Variants in ACTR3C observed in about 807,000 individuals in gnomAD.
The protein encoded by ACTR3C is actin-related protein 3C.
ACTR3C carries 18 observed loss-of-function variants against 26.3 expected under a neutral mutation model. The ratio of observed to expected loss-of-function variants is 0.68; its 90% CI spans 0.47 to 1.01. The LOEUF (loss-of-function observed/expected upper bound fraction) is 1.01. ACTR3C is among the 50% of genes least tolerant of loss of function. The pLI, the probability that ACTR3C is intolerant of heterozygous loss-of-function variation, is 0.00. For synonymous variants in ACTR3C, 55 were observed against 94.5 expected (o/e 0.58, Z 2.42); for missense variants, 184 against 250.7 (o/e 0.73, Z 1.80).
Position 150,285,554 on chromosome 7 carries a change from A to T in ACTR3C, c.472-709T>A, listed in dbSNP as rs188244922. Reference sequence around the variant, plus strand: ...CATTTGACTGTTCTATGTCCATTTCAAATCAATACTATTAAAAGTGAGCAT... The same window carrying T: ...CATTTGACTGTTCTATGTCCATTTCTAATCAATACTATTAAAAGTGAGCAT... On this transcript the variant is annotated intron_variant, in intron 5 of 7. Transcript: ENST00000683684. Among the ~76,000 whole-genome samples the T allele has an allele frequency of 5.9e-5, 9 of 152,338 alleles. 1 individual carries two copies. The East Asian group carries it at 1.7e-3, about 29-fold the overall frequency.
chr7:150,259,669 C>T (rs1345309338), intron 6 of ACTR3C, among the ~76,000 whole-genome samples: 2 of 152,140 alleles, frequency 1.3e-5, no homozygotes, highest in Middle Eastern at 3.2e-3. Context: ...CCATTTTCTC[C>T]TGTCAGAGAG....
chr7:149,922,501 A>T, the ACTR3C span, among the ~76,000 whole-genome samples: 3 of 149,812 alleles, frequency 2.0e-5, no homozygotes, highest in South Asian at 6.4e-4. Context: ...GCTCTGCTGT[A>T]ACGACTGTGA....
chr7:150,034,994 C>G, the ACTR3C span, among the ~76,000 whole-genome samples: 14 of 140,402 alleles, frequency 1.0e-4, no homozygotes, highest in Admixed American at 2.2e-4. Context: ...CCTCCCCCTC[C>G]TGTGATGGGG....
the ACTR3C span, among the ~76,000 whole-genome samples, chr7:149,893,662 C>T: frequency 1.3e-5 from 2 of 152,124 alleles, no homozygotes; most frequent in Admixed American, 6.6e-5. Flanking sequence ...CATTTTACTC[C>T]ACTAAAATAT....
the ACTR3C span, among the ~76,000 whole-genome samples, chr7:149,937,875 G>A: frequency 6.6e-6 from 1 of 152,150 alleles, no homozygotes; most frequent in African/African-American, 2.4e-5. Flanking sequence ...AGTAACACAC[G>A]AGATGGGAGG....
chr7:150,047,998 C>A, the ACTR3C span: 1 of 1,198,062 alleles, frequency 8.3e-7, no homozygotes, highest in Non-Finnish European at 1.0e-6. Flanking sequence ...GCGCCGGCGA[C>A]CGCTCCTCCC....
At chr7:150,196,619 T>C in the ACTR3C span, among the ~76,000 whole-genome samples, 1 of 152,310 alleles carries the variant, frequency 6.6e-6, no homozygotes, top group Middle Eastern at 3.4e-3. Context: ...TCATCCTTAT[T>C]TGTTGATAGC....
the ACTR3C span, among the ~76,000 whole-genome samples, chr7:150,105,661 C>A: frequency 6.6e-6 from 1 of 152,030 alleles, no homozygotes; most frequent in East Asian, 1.9e-4. Context: ...CAATTATTTA[C>A]TTATAAATGT....
At position 150,274,750 on chromosome 7, in the gene ACTR3C, G is replaced by A. The variant is rs898865544; in HGVS notation, c.564+10003C>T. ...CCCTGACGCCTATACTCTTAACCAC[G>A]ACAAACTAAAAATAATACTGCTCAA... On this transcript the variant is annotated intron_variant, in intron 6 of 7. Coordinates refer to ENST00000683684, the MANE Select transcript of ACTR3C (RefSeq NM_001164458.2). This position sits in a 1 kb window ranked among gnomAD's most constrained non-coding sequence, Gnocchi z 4.1. Among the ~76,000 whole-genome samples the A allele has an allele frequency of 2.0e-5, 3 of 152,092 alleles. No homozygotes were observed. Among genetic ancestry groups the A allele is most frequent in the East Asian group, 1.9e-4 (1 of 5,182 alleles).
At chr7:150,225,350 A>T in the ACTR3C span, among the ~76,000 whole-genome samples, 16 of 152,324 alleles carry the variant, frequency 1.1e-4, no homozygotes, top group Middle Eastern at 3.4e-3. Flanking sequence ...TATTCAGCCA[A>T]ATATTAATTC....
At chr7:150,160,764 G>A in the ACTR3C span, among the ~76,000 whole-genome samples, 2 of 152,008 alleles carry the variant, frequency 1.3e-5, no homozygotes, top group South Asian at 2.1e-4. Context: ...TCCTTCACCT[G>A]TGTTCCTGGT....
chr7:150,308,444 A>C (rs1795991486), intron 1 of ACTR3C, among the ~76,000 whole-genome samples: 1 of 152,070 alleles, frequency 6.6e-6, no homozygotes, highest in African/African-American at 2.4e-5. Flanking sequence ...GACCTAGATA[A>C]ATTTTGTCGA....
chr7:150,233,070 T>C, the ACTR3C span, among the ~76,000 whole-genome samples: 1 of 152,184 alleles, frequency 6.6e-6, no homozygotes, highest in Non-Finnish European at 1.5e-5. Context: ...CTTCCTTTGT[T>C]ACGCAGATTT....
chr7:149,944,275 G>GT, the ACTR3C span, among the ~76,000 whole-genome samples: 372 of 152,050 alleles, frequency 2.4e-3, 2 homozygotes, highest in Middle Eastern at 0.01. Flanking sequence ...AAGTTAAGAG[G>GT]TTTTGCCGGA....
the ACTR3C span, among the ~76,000 whole-genome samples, chr7:149,963,898 T>C: frequency 1.3e-5 from 2 of 152,230 alleles, no homozygotes; most frequent in Admixed American, 6.5e-5. Context: ...AATGTTTATG[T>C]ATATCACTGC....
the ACTR3C span, among the ~76,000 whole-genome samples, chr7:149,989,901 T>C: frequency 1.9e-4 from 29 of 152,290 alleles, no homozygotes; most frequent in South Asian, 6.0e-3. Context: ...CCTCTAACAC[T>C]GTGTGAGGGT....
chr7:150,180,258 T>C, the ACTR3C span, among the ~76,000 whole-genome samples: 1 of 149,372 alleles, frequency 6.7e-6, no homozygotes, highest in Non-Finnish European at 1.5e-5. Context: ...TGAGCCGAGA[T>C]CGCGCCACTG....
chr7:150,172,430 G>A, the ACTR3C span, among the ~76,000 whole-genome samples: 2,535 of 150,514 alleles, frequency 0.017, 263 homozygotes, highest in African/African-American at 0.061. Context: ...TCACTATTAC[G>A]AGAATAGCAT....
At chr7:150,222,676 A>G in the ACTR3C span, among the ~76,000 whole-genome samples, 1 of 152,228 alleles carries the variant, frequency 6.6e-6, no homozygotes, top group African/African-American at 2.4e-5. Context: ...GGAGCTCATC[A>G]TGATCTCGAG....
Sources: gnomAD v4.1 joint callset for allele counts (sites outside exome capture counted in the v4.1 genomes callset) on GRCh38, gnomAD v4.1.1 for gene constraint, Gnocchi (gnomAD v3.1) non-coding constraint, MANE v1.5 for transcripts, NCBI Gene and HGNC (gene_info 2026-07-23, HGNC 2026-07-21) for gene names.